The following CNKSR3 variants were observed in gnomAD, a reference collection of about 807,000 sequenced individuals.
CNKSR3 encodes the protein CNKSR family member 3, also known as connector enhancer of kinase suppressor of ras 3.
In CNKSR3, 36 loss-of-function variants were observed where a neutral mutation model predicts 67.7. The ratio of observed to expected loss-of-function variants is 0.53; its 90% CI spans 0.41 to 0.70. The LOEUF is 0.70. CNKSR3 is among the 30% of genes least tolerant of loss of function. The pLI, the probability that CNKSR3 is intolerant of heterozygous loss-of-function variation, is 0.00. For synonymous variants in CNKSR3, 281 were observed against 271.4 expected, an observed-to-expected ratio of 1.04 and a Z score of -0.35; for missense variants, 630 against 695.2, an observed-to-expected ratio of 0.91 and a Z score of 1.05.
At chr6:154,441,527 A>C (rs937636061) in intron 3 of CNKSR3, 148 bp from the exon 4 acceptor site, 1 of 617,034 alleles carries the variant, frequency 1.6e-6, no homozygotes, top group African/African-American at 1.9e-5. Context: ...TCTGTCGCCC[A>C]GGCTGGAGTG....
chr6:154,440,990 T>TA lies in CNKSR3; in HGVS notation c.507+301dup, dbSNP rs911274499. ...AACTTAGTTACTCCAGAATTTTCAT[T>TA]AAAAAAAAAAATTAAGTGCTCTAAC... On this transcript the variant is annotated intron_variant, in intron 4 of 12. Transcript: ENST00000607772. 8.7e-3 allele frequency among the ~76,000 whole-genome samples: 1,266 copies of TA among 146,326 alleles called. 11 individuals carry two copies. The highest frequency in any genetic ancestry group is 0.029 in the African/African-American group (1,179 of 40,248).
intron 1 of CNKSR3, among the ~76,000 whole-genome samples, chr6:154,499,969 A>G (rs1403253384): frequency 6.6e-6 from 1 of 152,182 alleles, no homozygotes; most frequent in African/African-American, 2.4e-5. Flanking sequence ...GTAACAATTT[A>G]AGGCTTTAGT....
chr6:154,453,632 C>A (rs1785886310), intron 1 of CNKSR3, among the ~76,000 whole-genome samples: 1 of 152,162 alleles, frequency 6.6e-6, no homozygotes, highest in Admixed American at 6.6e-5. Context: ...GTGTCACCCC[C>A]CAGAGTTTTA....
In CNKSR3 at chr6:154,510,297, G is replaced by A. The variant is rs1186954922; in HGVS notation, c.-183C>T. 2.8e-5 allele frequency: 17 copies of A among 616,434 alleles called. No homozygotes were observed. The highest frequency in any genetic ancestry group is 4.2e-5 in the Non-Finnish European group (15 of 353,708). 38.2% of individuals were successfully genotyped at this position (616,434 alleles called of 1,614,324 possible). ...AGCGCGGCTCCGCCAGGGGAGCCCG[G>A]CCCTCTCCCTCCAGCTGCCACAGTC... is the stretch of plus-strand genomic sequence containing the variant. On this transcript the variant is annotated 5_prime_UTR_variant, in exon 1 of 13. Transcript: ENST00000607772.
intron 9 of CNKSR3, chr6:154,414,637 C>A: frequency 1.6e-6 from 1 of 632,156 alleles, no homozygotes. Context: ...TGTATAGTGG[C>A]AAGAAGCAGA....
chr6:154,499,724 C>A, intron 1 of CNKSR3, among the ~76,000 whole-genome samples: 1 of 152,158 alleles, frequency 6.6e-6, no homozygotes, highest in Non-Finnish European at 1.5e-5. Context: ...CCTGTCTCAG[C>A]CTCCCGAAGT....
At chr6:154,413,042 C>T (rs1266418783) in intron 10 of CNKSR3, among the ~76,000 whole-genome samples, 1 of 151,552 alleles carries the variant, frequency 6.6e-6, no homozygotes, top group Non-Finnish European at 1.5e-5. Flanking sequence ...TAGATCACAC[C>T]TAAATCATCC....
chr6:154,420,603 G>A (rs1785122130), intron 9 of CNKSR3, among the ~76,000 whole-genome samples: 1 of 147,524 alleles, frequency 6.8e-6, no homozygotes, highest in African/African-American at 2.5e-5. Flanking sequence ...GCAGGAGAAT[G>A]GCGTGAACCC....
At chr6:154,433,754 C>T (rs1785416329) in intron 4 of CNKSR3, 1 of 391,162 alleles carries the variant, frequency 2.6e-6, no homozygotes, top group Non-Finnish European at 4.6e-6. Flanking sequence ...ACCCACTTGG[C>T]CAATTACTTA....
At chr6:154,426,937 G>A (rs1479512058) in intron 7 of CNKSR3, among the ~76,000 whole-genome samples, 3 of 152,148 alleles carry the variant, frequency 2.0e-5, no homozygotes, top group Admixed American at 1.3e-4. Flanking sequence ...ACTGAGTCTC[G>A]ATCAAGGATG....
At chr6:154,493,017 A>T (rs1786812000) in intron 1 of CNKSR3, among the ~76,000 whole-genome samples, 1 of 152,166 alleles carries the variant, frequency 6.6e-6, no homozygotes, top group Admixed American at 6.5e-5. Context: ...AGCCACCATT[A>T]TCATTTTTAA....
Position 154,410,425 on chromosome 6 carries a change from T to C in CNKSR3, c.1287A>G (p.Pro429=), listed in dbSNP as rs2128711082. 6.2e-7 allele frequency: 1 copy of C among 1,613,580 alleles called. No individual in the cohort carries two copies. Among genetic ancestry groups the C allele is most frequent in the African/African-American group, 1.3e-5 (1 of 75,034 alleles). Residue 429 remains proline, a synonymous_variant, in exon 12 of 13, where the codon CCA becomes CCG. Coordinates refer to ENST00000607772, the MANE Select transcript of CNKSR3 (RefSeq NM_173515.4). ...CATCAGCAGGCATGGACAAAGGCCG[T>C]GGCTTGCCTTCAGAGGGACGAGAAA... ...MREKTPSYGK[P]RPLSMPADGN...
At chr6:154,410,841 C>G in intron 11 of CNKSR3, 93 bp downstream of exon 11, 1 of 972,782 alleles carries the variant, frequency 1.0e-6, no homozygotes, top group Admixed American at 2.2e-5. Flanking sequence ...CTCTTGAAGT[C>G]TGCCAAATTC....
chr6:154,451,532 CGCACACGCACAGAT>C (rs373056117), intron 1 of CNKSR3, among the ~76,000 whole-genome samples: 5,757 of 82,844 alleles, frequency 0.069, 214 homozygotes, highest in East Asian at 0.34. Context: ...CGTGCACACA[CGCACACGCACAGAT>C]GCACACACAC....
chr6:154,510,415 A>C lies in CNKSR3; in HGVS notation c.-301T>G. The C allele has an allele frequency of 8.8e-6, 4 of 455,744 alleles. No homozygotes were observed. The highest frequency in any genetic ancestry group is 1.2e-5 in the Non-Finnish European group (3 of 257,346). 28.2% of individuals were successfully genotyped at this position (455,744 alleles called of 1,614,324 possible). ...GCAGCTGCAGGCACGCCGGGCTGCG[A>C]CCCCAGACCCCTGGCCTCGGCTCGG... On this transcript the variant is annotated 5_prime_UTR_variant, in exon 1 of 13. Coordinates refer to ENST00000607772, the MANE Select transcript of CNKSR3 (RefSeq NM_173515.4).
At chr6:154,444,305 G>A (rs1572661) in intron 2 of CNKSR3, among the ~76,000 whole-genome samples, 49,528 of 151,984 alleles carry the variant, frequency 0.33, 9,769 homozygotes, top group African/African-American at 0.55. Context: ...TCTCTAATTT[G>A]CCGGTAAGGA....
At chr6:154,462,539 C>G (rs1462490255) in intron 1 of CNKSR3, among the ~76,000 whole-genome samples, 1 of 152,222 alleles carries the variant, frequency 6.6e-6, no homozygotes, top group East Asian at 1.9e-4. Flanking sequence ...TCCCACTGCA[C>G]TGGGGATAAA....
intron 4 of CNKSR3, among the ~76,000 whole-genome samples, chr6:154,437,679 G>A (rs1785500674): frequency 6.6e-6 from 1 of 152,046 alleles, no homozygotes; most frequent in Non-Finnish European, 1.5e-5. Flanking sequence ...GCCTCCCAAA[G>A]TTCAGGGATT....
chr6:154,388,409 T>C lies in CNKSR3; in HGVS notation c.*17945A>G, dbSNP rs1005012349. On this transcript the variant is annotated 3_prime_UTR_variant, in exon 13 of 13. Coordinates refer to ENST00000607772, the MANE Select transcript of CNKSR3 (RefSeq NM_173515.4). ...TATATACATTTTCTTTATTCATTTC[T>C]CCGCCGATGGACGCTTAGATTGTTT... The C allele has an allele frequency of 2.6e-5, 4 of 152,258 alleles. No homozygotes were observed. The highest frequency in any genetic ancestry group is 5.9e-5 in the Non-Finnish European group (4 of 68,046). 9.4% of individuals were successfully genotyped at this position (152,258 alleles called of 1,614,324 possible). A position where few individuals can be genotyped will look rare whatever the true frequency, so the allele number is the denominator to read the frequency against.
Sources: allele counts gnomAD v4.1 joint callset (sites outside exome capture counted in the v4.1 genomes callset), GRCh38; gene constraint gnomAD v4.1.1; transcripts MANE v1.5; gene names NCBI Gene and HGNC (gene_info 2026-07-23, HGNC 2026-07-21).